The following CNKSR2 variants were observed in gnomAD, a reference collection of about 807,000 sequenced individuals.
CNKSR2 encodes connector enhancer of kinase suppressor of Ras 2, also known as CNK homolog protein 2.
Under a neutral mutation model 84.4 loss-of-function variants are expected in CNKSR2, and 14 were observed. The ratio of observed to expected loss-of-function variants is 0.17; its 90% confidence interval spans 0.11 to 0.26. The LOEUF is 0.26. Ranked by LOEUF, CNKSR2 falls within the 10% of genes least tolerant of loss-of-function variation. CNKSR2 has a pLI of 1.00. For missense variants in CNKSR2, 485 were observed against 771.2 expected, an observed-to-expected ratio of 0.63 and a Z score of 4.40; for synonymous variants, 275 against 277.9, an observed-to-expected ratio of 0.99 and a Z score of 0.10.
At chrX:21,392,809 G>A (rs752818331) in intron 1 of CNKSR2, among the ~76,000 whole-genome samples, 9 of 111,375 alleles carry the variant, frequency 8.1e-5, no homozygotes, top group East Asian at 5.7e-4. Context: ...TAATGAGTCC[G>A]TGTAGTGCAT....
intron 20 of CNKSR2, among the ~76,000 whole-genome samples, chrX:21,615,527 T>G: frequency 8.9e-6 from 1 of 111,782 alleles, no homozygotes; most frequent in Middle Eastern, 4.6e-3. Context: ...CATATGGTAA[T>G]AATACCTAGC....
intron 20 of CNKSR2, among the ~76,000 whole-genome samples, chrX:21,632,906 AT>A (rs1421868166): frequency 9.0e-6 from 1 of 110,823 alleles, no homozygotes; most frequent in South Asian, 3.8e-4. Flanking sequence ...ATATAGCCCA[AT>A]TTTTAATATA....
At chrX:21,597,052 C>T (rs1385310152) in intron 17 of CNKSR2, among the ~76,000 whole-genome samples, 2 of 111,574 alleles carry the variant, frequency 1.8e-5, no homozygotes, top group Admixed American at 1.9e-4. Flanking sequence ...AATTAAGTGG[C>T]ATACATGAGC....
At position 21,531,798 on chromosome X, in the gene CNKSR2, G is replaced by A. The variant is rs1265211333; in HGVS notation, c.1092-58G>A. ...AAATTATTAGTATTTTAGACCCTCG[G>A]CCATTTACTACCCTAACATGTTTCT... On this transcript the variant is annotated intron_variant, in intron 10 of 21. Transcript: ENST00000379510. The A allele has an allele frequency of 7.6e-6, 6 of 786,731 alleles. No individual in the cohort carries two copies. In the East Asian group the frequency reaches 1.9e-4, roughly 25 times the overall value. The allele number at this position is 786,731 out of a possible 1,213,427, so 64.8% of individuals were successfully genotyped here.
chrX:21,598,912 CTG>C (rs1358235202), intron 17 of CNKSR2, among the ~76,000 whole-genome samples: 2 of 112,593 alleles, frequency 1.8e-5, no homozygotes, highest in African/African-American at 6.5e-5. Context: ...TAAATTATAA[CTG>C]TAACAAGTAA....
chrX:21,412,423 A>G (rs1276611304), intron 1 of CNKSR2, among the ~76,000 whole-genome samples: 1 of 111,803 alleles, frequency 8.9e-6, no homozygotes, highest in African/African-American at 3.2e-5. Context: ...TTCCCTTGAT[A>G]TTTCTAGTGT....
intron 1 of CNKSR2, among the ~76,000 whole-genome samples, chrX:21,392,382 C>G (rs1263430546): frequency 3.6e-5 from 4 of 112,093 alleles, no homozygotes; most frequent in Admixed American, 9.5e-5. Flanking sequence ...TTAATTGGCT[C>G]ACAGTTCCAC....
intron 4 of CNKSR2, among the ~76,000 whole-genome samples, chrX:21,461,898 G>A (rs1380195005): frequency 3.6e-5 from 4 of 111,675 alleles, no homozygotes; most frequent in African/African-American, 1.3e-4. Context: ...TGGACTCTGT[G>A]TCTGTTTTTA....
At position 21,652,619 on chromosome X, in the gene CNKSR2, A is replaced by G. The variant is rs186251319; in HGVS notation, c.*98A>G. The G allele has an allele frequency of 1.6e-5, 10 of 611,450 alleles. No homozygotes were observed. The highest frequency in any genetic ancestry group is 3.5e-4 in the Middle Eastern group (1 of 2,828). 50.4% of individuals were successfully genotyped at this position (611,450 alleles called of 1,213,427 possible). The stretch of plus-strand genomic sequence containing the variant: ...ATGTGTGGAACACTTGACAAGCTAT[A>G]CTTTAATGTTACCAAACTATATGAA... On this transcript the variant is annotated 3_prime_UTR_variant, in exon 22 of 22. Transcript: ENST00000379510.
chrX:21,621,185 T>C (rs951623385), intron 20 of CNKSR2, among the ~76,000 whole-genome samples: 1 of 111,310 alleles, frequency 9.0e-6, no homozygotes, highest in Non-Finnish European at 1.9e-5. Flanking sequence ...TGTTTCTTTA[T>C]AGAGTCCCCA....
intron 5 of CNKSR2, among the ~76,000 whole-genome samples, chrX:21,473,878 C>T (rs908046348): frequency 9.4e-6 from 1 of 105,864 alleles, no homozygotes; most frequent in Non-Finnish European, 1.9e-5. Context: ...TCCCGAGTAG[C>T]TGGGACTACA....
chrX:21,389,836 T>C (rs2090023853), intron 1 of CNKSR2, among the ~76,000 whole-genome samples: 1 of 112,765 alleles, frequency 8.9e-6, no homozygotes, highest in African/African-American at 3.2e-5. Context: ...TGAATACATA[T>C]TGTTGTGATT....
At chrX:21,468,845 C>T (rs1346271399) in intron 4 of CNKSR2, among the ~76,000 whole-genome samples, 1 of 111,699 alleles carries the variant, frequency 9.0e-6, no homozygotes, top group East Asian at 2.8e-4. Context: ...TTATCAATGA[C>T]ACTGGAGTGA....
At position 21,446,512 on chromosome X, in the gene CNKSR2, A is replaced by G. The variant is rs138101697; in HGVS notation, c.519+5731A>G. On this transcript the variant is annotated intron_variant, in intron 4 of 21. Coordinates refer to ENST00000379510, the MANE Select transcript of CNKSR2 (RefSeq NM_014927.5). ...ATTGCATACTAATACTTAGCAAAGG[A>G]CTCTAGAAGAGTGGGGCATAATAAC... Among the ~76,000 whole-genome samples, 35 of 111,182 alleles carry G rather than the reference A, an allele frequency of 3.1e-4. No homozygotes were observed. In the East Asian group the frequency reaches 9.6e-3, roughly 30 times the overall value.
In CNKSR2 at chrX:21,527,013, C is replaced by G; in HGVS notation, c.1091+13C>G. On this transcript the variant is annotated intron_variant, in intron 10 of 21. Coordinates refer to ENST00000379510, the MANE Select transcript of CNKSR2 (RefSeq NM_014927.5). ...CATATATTCCCAGGTATAAAACTAT[C>G]ACGTTGTCCTAGGCAGCTTCTAGCT... The G allele has an allele frequency of 8.3e-7, 1 of 1,200,078 alleles. No homozygotes were observed. The highest frequency in any genetic ancestry group is 1.1e-6 in the Non-Finnish European group (1 of 887,263).
intron 11 of CNKSR2, among the ~76,000 whole-genome samples, chrX:21,540,541 C>T (rs940827337): frequency 9.0e-6 from 1 of 111,346 alleles, no homozygotes; most frequent in African/African-American, 3.3e-5. Flanking sequence ...TAAAAAAAAA[C>T]TAAAGTACAA....
At chrX:21,515,215 TA>T (rs1490753871) in intron 8 of CNKSR2, among the ~76,000 whole-genome samples, 1 of 111,532 alleles carries the variant, frequency 9.0e-6, no homozygotes, top group Non-Finnish European at 1.9e-5. Context: ...GAATGCTTAT[TA>T]AATATACCAA....
intron 1 of CNKSR2, among the ~76,000 whole-genome samples, chrX:21,387,296 A>G (rs1251195322): frequency 9.0e-6 from 1 of 111,216 alleles, no homozygotes; most frequent in Non-Finnish European, 1.9e-5. Flanking sequence ...AGCCTGGGCA[A>G]CATGACGAAA....
intron 5 of CNKSR2, among the ~76,000 whole-genome samples, chrX:21,480,906 G>T (rs1180057229): frequency 8.9e-6 from 1 of 111,829 alleles, no homozygotes; most frequent in East Asian, 2.8e-4. Flanking sequence ...ATATTTACTT[G>T]CCAAACAATG....
Sources: gnomAD v4.1 joint callset for allele counts (sites outside exome capture counted in the v4.1 genomes callset) on GRCh38, gnomAD v4.1.1 for gene constraint, MANE v1.5 for transcripts, NCBI Gene and HGNC (gene_info 2026-07-23, HGNC 2026-07-21) for gene names.